The following MATCAP2 variants were observed in gnomAD, a reference collection of about 807,000 sequenced individuals.
MATCAP2 encodes putative tyrosine carboxypeptidase MATCAP2.
the MATCAP2 span, among the ~76,000 whole-genome samples, chr7:36,379,351 T>C: frequency 9.9e-5 from 15 of 152,160 alleles, no homozygotes; most frequent in African/African-American, 3.4e-4. Flanking sequence ...AGTCATTTGG[T>C]TGTGGGGCAG....
At chr7:36,357,434 A>C in the MATCAP2 span, 2 of 1,614,124 alleles carry the variant, frequency 1.2e-6, no homozygotes, top group African/African-American at 2.7e-5. Context: ...CTTGCTCTGT[A>C]GTAGGACATT....
the MATCAP2 span, among the ~76,000 whole-genome samples, chr7:36,358,465 A>C: frequency 1.3e-5 from 2 of 152,228 alleles, no homozygotes; most frequent in Admixed American, 6.5e-5. Flanking sequence ...TCTAAGCTGT[A>C]CGTTAAGGTT....
the MATCAP2 span, among the ~76,000 whole-genome samples, chr7:36,333,701 G>C: frequency 1.3e-5 from 2 of 152,134 alleles, no homozygotes; most frequent in African/African-American, 4.8e-5. Context: ...ATAATGCTAA[G>C]AAAATGTGGT....
At chr7:36,357,298 A>C in the MATCAP2 span, 1 of 1,614,206 alleles carries the variant, frequency 6.2e-7, no homozygotes. Context: ...TGCTTGTCAC[A>C]GGCACCAGGG....
chr7:36,338,967 GAC>G, the MATCAP2 span, among the ~76,000 whole-genome samples: 1 of 152,082 alleles, frequency 6.6e-6, no homozygotes, highest in African/African-American at 2.4e-5. Context: ...TATCTTTTTA[GAC>G]CAAACCAATG....
the MATCAP2 span, chr7:36,333,843 A>T: frequency 6.3e-7 from 1 of 1,582,518 alleles, no homozygotes; most frequent in Admixed American, 1.8e-5. Context: ...ACCTAGAGTT[A>T]AGGGACACCC....
At chr7:36,382,079 G>C in the MATCAP2 span, among the ~76,000 whole-genome samples, 2 of 151,822 alleles carry the variant, frequency 1.3e-5, no homozygotes, top group African/African-American at 4.8e-5. Context: ...GATCACCTGA[G>C]GTCAGGAGTT....
chr7:36,328,598 G>C, the MATCAP2 span, among the ~76,000 whole-genome samples: 43 of 152,022 alleles, frequency 2.8e-4, 1 homozygote, highest in South Asian at 7.5e-3. Context: ...ACAAAAATTA[G>C]CTGGGTGTGG....
chr7:36,345,413 T>C, the MATCAP2 span, among the ~76,000 whole-genome samples: 5 of 152,130 alleles, frequency 3.3e-5, no homozygotes, highest in South Asian at 2.1e-4. Context: ...TCAAAACAAA[T>C]TGATTTTCAG....
the MATCAP2 span, among the ~76,000 whole-genome samples, chr7:36,359,527 G>A: frequency 6.6e-6 from 1 of 152,098 alleles, no homozygotes; most frequent in African/African-American, 2.4e-5. Context: ...TCTGAATTTT[G>A]GTGTCTAAAA....
At chr7:36,327,008 ATAC>A in the MATCAP2 span, 1 of 1,121,646 alleles carries the variant, frequency 8.9e-7, no homozygotes, top group Non-Finnish European at 1.3e-6. Flanking sequence ...AAATGAAAGT[ATAC>A]AGATCATTTG....
chr7:36,383,462 A>C, the MATCAP2 span, among the ~76,000 whole-genome samples: 1 of 152,264 alleles, frequency 6.6e-6, no homozygotes, highest in Admixed American at 6.5e-5. Flanking sequence ...GCACATATGC[A>C]GCATGGAATA....
chr7:36,328,036 A>T, the MATCAP2 span, among the ~76,000 whole-genome samples: 1 of 152,112 alleles, frequency 6.6e-6, no homozygotes, highest in Non-Finnish European at 1.5e-5. Context: ...AGGTTTAAGG[A>T]TGAAGCTTTT....
the MATCAP2 span, among the ~76,000 whole-genome samples, chr7:36,353,584 G>A: frequency 6.6e-6 from 1 of 150,556 alleles, no homozygotes; most frequent in Non-Finnish European, 1.5e-5. Context: ...AGGTTCAAGC[G>A]ATTCTCCTGC....
the MATCAP2 span, chr7:36,356,515 G>C: frequency 9.7e-6 from 3 of 310,240 alleles, no homozygotes; most frequent in Non-Finnish European, 1.2e-5. Context: ...ATCTGTCTCA[G>C]AAAAAAACAA....
chr7:36,336,322 AAGTAAAC>A, the MATCAP2 span: 1 of 1,465,872 alleles, frequency 6.8e-7, no homozygotes, highest in Non-Finnish European at 9.2e-7. Context: ...GAGATAATGA[AAGTAAAC>A]AGCCTCATAT....
chr7:36,337,486 A>G, the MATCAP2 span, among the ~76,000 whole-genome samples: 1 of 152,184 alleles, frequency 6.6e-6, no homozygotes, highest in Non-Finnish European at 1.5e-5. Context: ...TGAATTGTGT[A>G]AGAACCTAGG....
the MATCAP2 span, chr7:36,389,886 G>GAGAGGAC: frequency 6.8e-7 from 1 of 1,472,878 alleles, no homozygotes; most frequent in African/African-American, 1.4e-5. Flanking sequence ...AAGCCGAGAG[G>GAGAGGAC]AGAGGACAGC....
At chr7:36,383,843 C>T in the MATCAP2 span, 3 of 1,554,172 alleles carry the variant, frequency 1.9e-6, no homozygotes, top group Admixed American at 1.7e-5. Context: ...AAGAAGTGGC[C>T]CTTCAGCCAA....
Sources: allele counts gnomAD v4.1 joint callset (sites outside exome capture counted in the v4.1 genomes callset), GRCh38; gene constraint gnomAD v4.1.1; transcripts MANE v1.5; gene names NCBI Gene and HGNC (gene_info 2026-07-23, HGNC 2026-07-21).